ELAVL2: variants seen among roughly 807,000 people sequenced by gnomAD.
The protein encoded by ELAVL2 is ELAV-like protein 2.
A neutral mutation model predicts 34.6 loss-of-function variants in ELAVL2; 4 were observed. The ratio of observed to expected loss-of-function variants is 0.12; its 90% CI spans 0.06 to 0.26. The LOEUF (loss-of-function observed/expected upper bound fraction) is 0.26, where lower values mean the gene tolerates loss of function less well. Among genes scored for constraint, ELAVL2 ranks in the 10% least tolerant of loss-of-function variants. The pLI is 1.00. For missense variants in ELAVL2, 432 were observed against 442.8 expected (o/e 0.98, Z 0.22); for synonymous variants, 193 against 154.8 (o/e 1.25, Z -1.83).
chr9:23,827,951 A>G (rs2065378099), upstream of ELAVL2, among the ~76,000 whole-genome samples: 1 of 152,272 alleles, frequency 6.6e-6, no homozygotes, highest in African/African-American at 2.4e-5. Flanking sequence ...TTATAAAATC[A>G]TGCCTTAACC....
At chr9:23,701,653 AG>A (rs2037276847) in intron 4 of ELAVL2, 49 bp from the exon 5 acceptor site, 1 of 1,576,058 alleles carries the variant, frequency 6.3e-7, no homozygotes, top group South Asian at 1.1e-5. Context: ...CAGAAGGAGA[AG>A]GGAAGGAGAG....
chr9:23,743,838 C>T (rs1013187645), intron 2 of ELAVL2, among the ~76,000 whole-genome samples: 1 of 152,120 alleles, frequency 6.6e-6, no homozygotes, highest in African/African-American at 2.4e-5. Context: ...TGAAGTTACT[C>T]GATTTGCTTA....
intron 1 of ELAVL2, among the ~76,000 whole-genome samples, chr9:23,817,174 T>C (rs562606491): frequency 1.7e-3 from 256 of 152,266 alleles, no homozygotes; most frequent in African/African-American, 4.1e-3. Context: ...TTATCTCCTA[T>C]TCATTTTCAG....
chr9:23,824,093 C>T (rs141264756), intron 1 of ELAVL2, among the ~76,000 whole-genome samples: 24 of 152,210 alleles, frequency 1.6e-4, no homozygotes, highest in African/African-American at 5.8e-4. Flanking sequence ...ACAGTAAATA[C>T]TAAATGGTTG....
intron 1 of ELAVL2, among the ~76,000 whole-genome samples, chr9:23,778,342 C>T (rs976468693): frequency 1.3e-5 from 2 of 152,274 alleles, no homozygotes; most frequent in East Asian, 1.9e-4. Context: ...AAACATGTTA[C>T]GTGGTTTCTC....
intron 2 of ELAVL2, among the ~76,000 whole-genome samples, chr9:23,754,784 C>G (rs1017246579): frequency 6.6e-6 from 1 of 152,090 alleles, no homozygotes; most frequent in African/African-American, 2.4e-5. Flanking sequence ...TTATTTTAGG[C>G]TGAGGAAAAT....
At chr9:23,697,909 A>T (rs1311497456) in intron 5 of ELAVL2, among the ~76,000 whole-genome samples, 1 of 152,006 alleles carries the variant, frequency 6.6e-6, no homozygotes, top group Non-Finnish European at 1.5e-5. Flanking sequence ...AACTGCTTGG[A>T]AATTATCTAC....
chr9:23,762,382 G>C (rs957509096), intron 1 of ELAVL2, 133 bp from the exon 2 acceptor site: 1 of 1,148,590 alleles, frequency 8.7e-7, no homozygotes, highest in Non-Finnish European at 1.2e-6. Flanking sequence ...TCAACAAAAA[G>C]TGTAATACCT....
At chr9:23,788,546 G>GT (rs1299028186) in intron 1 of ELAVL2, among the ~76,000 whole-genome samples, 2 of 152,142 alleles carry the variant, frequency 1.3e-5, no homozygotes, top group African/African-American at 2.4e-5. Flanking sequence ...AAGAACTGCT[G>GT]TAACAGTACA....
intron 3 of ELAVL2, among the ~76,000 whole-genome samples, chr9:23,721,211 C>T (rs965650135): frequency 6.6e-6 from 1 of 152,178 alleles, no homozygotes; most frequent in African/African-American, 2.4e-5. Flanking sequence ...TGAAACTCAT[C>T]CAAAGATATT....
intron 2 of ELAVL2, among the ~76,000 whole-genome samples, chr9:23,751,472 G>A (rs1588090223): frequency 2.0e-5 from 3 of 152,182 alleles, no homozygotes; most frequent in Admixed American, 2.0e-4. Flanking sequence ...AGAAAACAAA[G>A]GGATAGTAAT....
intron 1 of ELAVL2, chr9:23,783,415 G>T (rs2059316085): frequency 1.0e-6 from 1 of 983,020 alleles, no homozygotes; most frequent in Non-Finnish European, 1.2e-6. Context: ...TGTAACTTCA[G>T]AGAGCATGAA....
intron 1 of ELAVL2, among the ~76,000 whole-genome samples, chr9:23,793,442 A>C (rs780473458): frequency 1.3e-5 from 2 of 152,220 alleles, no homozygotes; most frequent in African/African-American, 4.8e-5. Context: ...ACCATGAGAC[A>C]CACATATAGA....
chr9:23,713,643 CA>C (rs1228162066), intron 3 of ELAVL2, among the ~76,000 whole-genome samples: 1 of 152,114 alleles, frequency 6.6e-6, no homozygotes, highest in Non-Finnish European at 1.5e-5. Flanking sequence ...AATGAGCCTG[CA>C]TTTATTTAGC....
chr9:23,729,403 C>T (rs752827769), intron 3 of ELAVL2, among the ~76,000 whole-genome samples: 35 of 152,046 alleles, frequency 2.3e-4, no homozygotes, highest in Admixed American at 3.9e-4. Context: ...CACGGTCTGA[C>T]GGTAACTGAA....
intron 3 of ELAVL2, among the ~76,000 whole-genome samples, chr9:23,722,286 T>C (rs1241830915): frequency 3.9e-5 from 6 of 152,312 alleles, no homozygotes; most frequent in East Asian, 3.9e-4. Context: ...CAGAAAAACA[T>C]TGTCGAAGAA....
chr9:23,762,771 A>C (rs1380484574), intron 1 of ELAVL2, among the ~76,000 whole-genome samples: 1 of 152,134 alleles, frequency 6.6e-6, no homozygotes, highest in Admixed American at 6.6e-5. Flanking sequence ...TAAAAATATA[A>C]ATTTGTCAAC....
intron 2 of ELAVL2, among the ~76,000 whole-genome samples, chr9:23,743,152 G>C (rs149902644): frequency 5.9e-5 from 9 of 152,288 alleles, no homozygotes; most frequent in African/African-American, 2.2e-4. Context: ...TTAAGTCAAA[G>C]AGGTACCCTG....
intron 1 of ELAVL2, among the ~76,000 whole-genome samples, chr9:23,820,536 T>C (rs2064430418): frequency 6.6e-6 from 1 of 152,202 alleles, no homozygotes; most frequent in African/African-American, 2.4e-5. Context: ...TAAATGACCA[T>C]CTGGGCAGCT....
Sources: gnomAD v4.1 joint callset for allele counts (sites outside exome capture counted in the v4.1 genomes callset) on GRCh38, gnomAD v4.1.1 for gene constraint, MANE v1.5 for transcripts, NCBI Gene and HGNC (gene_info 2026-07-23, HGNC 2026-07-21) for gene names.